CTNNA2: variants seen among roughly 807,000 people sequenced by gnomAD.
CTNNA2 encodes the protein catenin alpha 2, also known as catenin alpha-2.
In CTNNA2, 42 loss-of-function variants were observed where a neutral mutation model predicts 101.0. That is an observed-to-expected ratio of 0.42 (90% CI 0.32 to 0.54). The LOEUF (loss-of-function observed/expected upper bound fraction) is 0.54, where lower values mean the gene tolerates loss of function less well. Ranked by LOEUF, CTNNA2 falls within the 20% of genes least tolerant of loss-of-function variation. The pLI is 0.14. For missense variants in CTNNA2, 871 were observed against 1,223.1 expected (o/e 0.71, Z 4.29); for synonymous variants, 450 against 456.4 (o/e 0.99, Z 0.18).
chr2:79,721,080 A>G (rs1477719048), intron 2 of CTNNA2, among the ~76,000 whole-genome samples: 1 of 150,854 alleles, frequency 6.6e-6, no homozygotes, highest in Admixed American at 6.6e-5. Flanking sequence ...AAATCACATC[A>G]TGCTTCTTGT....
intron 3 of CTNNA2, among the ~76,000 whole-genome samples, chr2:79,791,922 ATTATTTGTCACTC>A (rs1675302500): frequency 6.6e-6 from 1 of 152,200 alleles, no homozygotes; most frequent in Non-Finnish European, 1.5e-5. Context: ...AGACACCTGT[ATTATTTGTCACTC>A]TACGGAGAAG....
chr2:80,335,634 C>T (rs960439214), intron 7 of CTNNA2, among the ~76,000 whole-genome samples: 1 of 152,142 alleles, frequency 6.6e-6, no homozygotes, highest in African/African-American at 2.4e-5. Flanking sequence ...TACTTGGCAC[C>T]AGATGAGAAG....
intron 18 of CTNNA2, among the ~76,000 whole-genome samples, chr2:80,630,150 C>CTT (rs950207769): frequency 2.0e-5 from 3 of 152,074 alleles, no homozygotes; most frequent in African/African-American, 7.2e-5. Flanking sequence ...TGTCTTAGAG[C>CTT]TTATGTATTT....
intron 13 of CTNNA2, among the ~76,000 whole-genome samples, chr2:80,580,418 T>A (rs1695426122): frequency 6.6e-6 from 1 of 152,200 alleles, no homozygotes; most frequent in African/African-American, 2.4e-5. Context: ...GCTAAATTTG[T>A]AACGTGAATA....
chr2:79,225,452 G>A (rs768147966), intron 2 of CTNNA2, among the ~76,000 whole-genome samples: 1 of 152,170 alleles, frequency 6.6e-6, no homozygotes, highest in Admixed American at 6.5e-5. Flanking sequence ...ATGCTTGAGT[G>A]TTTACTCTCA....
chr2:80,340,614 G>A (rs1672140356), intron 7 of CTNNA2, among the ~76,000 whole-genome samples: 1 of 152,232 alleles, frequency 6.6e-6, no homozygotes, highest in Non-Finnish European at 1.5e-5. Context: ...ATCACATCAA[G>A]GTTTCCAGAC....
intron 1 of CTNNA2, among the ~76,000 whole-genome samples, chr2:79,583,854 C>G (rs1676302404): frequency 6.6e-6 from 1 of 152,108 alleles, no homozygotes; most frequent in African/African-American, 2.4e-5. Flanking sequence ...ATTTGTTTTT[C>G]CATTACATTG....
chr2:79,794,310 A>C (rs1032630454), intron 3 of CTNNA2, among the ~76,000 whole-genome samples: 9 of 152,128 alleles, frequency 5.9e-5, no homozygotes, highest in Non-Finnish European at 2.9e-5. Context: ...TTTTGCCATT[A>C]TTTTTAATTC....
chr2:79,217,147 A>T (rs985598346), intron 2 of CTNNA2, among the ~76,000 whole-genome samples: 1 of 152,182 alleles, frequency 6.6e-6, no homozygotes, highest in Admixed American at 6.5e-5. Context: ...AGAGAGTAAG[A>T]AAAGGACGCT....
At chr2:79,429,234 C>T (rs1195547226) in intron 4 of CTNNA2, among the ~76,000 whole-genome samples, 7 of 151,972 alleles carry the variant, frequency 4.6e-5, no homozygotes, top group South Asian at 2.1e-4. Flanking sequence ...ATAATGGGCT[C>T]GTGAACTTTT....
At chr2:80,345,435 C>T (rs1378232439) in intron 7 of CTNNA2, among the ~76,000 whole-genome samples, 2 of 152,144 alleles carry the variant, frequency 1.3e-5, no homozygotes, top group Non-Finnish European at 2.9e-5. Context: ...CTTGTCTGTA[C>T]TGTTCTAAAT....
rs547796135 is a variant in CTNNA2 at position 80,086,970 on chromosome 2, C to G, written c.1056+177173C>G. On this transcript the variant is annotated intron_variant, in intron 7 of 18. Transcript: ENST00000402739. ...GACTCAAATGTGTTTCCAGATGATG[C>G]TTTGAGGATTACTAACAGAGCAGCT... is the stretch of plus-strand genomic sequence containing the variant. Among the ~76,000 whole-genome samples, 57 of 152,096 alleles carry G rather than the reference C, an allele frequency of 3.7e-4. 1 individual carries two copies. The highest frequency in any genetic ancestry group is 1.2e-3 in the African/African-American group (48 of 41,502).
chr2:79,999,988 A>G (rs1692829846), intron 7 of CTNNA2, among the ~76,000 whole-genome samples: 1 of 152,182 alleles, frequency 6.6e-6, no homozygotes. Context: ...GAGGAACTGC[A>G]GTAATTCAGA....
At chr2:80,601,420 TC>T (rs368526387) in intron 15 of CTNNA2, among the ~76,000 whole-genome samples, 1,457 of 116,248 alleles carry the variant, frequency 0.013, 51 homozygotes, top group African/African-American at 0.043. Flanking sequence ...TTTCTTTCTT[TC>T]TTTTTTTTTT....
intron 15 of CTNNA2, 46 bp from the exon 16 acceptor site, chr2:80,604,028 C>T (rs766378369): frequency 1.3e-6 from 2 of 1,545,140 alleles, no homozygotes; most frequent in Middle Eastern, 1.7e-4. Context: ...TGGTCTCTTT[C>T]CCGTCATTAA....
At chr2:79,336,843 T>A (rs1432260631) in intron 3 of CTNNA2, among the ~76,000 whole-genome samples, 1 of 152,156 alleles carries the variant, frequency 6.6e-6, no homozygotes, top group Non-Finnish European at 1.5e-5. Context: ...AAATGCGTGG[T>A]GGCATGGTGG....
chr2:80,437,245 T>C (rs966334435), intron 9 of CTNNA2, among the ~76,000 whole-genome samples: 1 of 152,168 alleles, frequency 6.6e-6, no homozygotes, highest in African/African-American at 2.4e-5. Context: ...CTGAACACAC[T>C]AAGACAGCCA....
intron 7 of CTNNA2, among the ~76,000 whole-genome samples, chr2:80,013,792 A>G (rs1693948268): frequency 6.6e-6 from 1 of 152,178 alleles, no homozygotes; most frequent in Non-Finnish European, 1.5e-5. Context: ...CTACTTACTT[A>G]TGAAAGTCAA....
intron 1 of CTNNA2, chr2:79,573,805 G>C (rs1235518387): frequency 6.6e-6 from 1 of 152,108 alleles, no homozygotes; most frequent in African/African-American, 2.4e-5. Flanking sequence ...CTTGTGAATT[G>C]GTGGTATAAG....
Sources: allele counts gnomAD v4.1 joint callset (sites outside exome capture counted in the v4.1 genomes callset), GRCh38; gene constraint gnomAD v4.1.1; transcripts MANE v1.5; gene names NCBI Gene and HGNC (gene_info 2026-07-23, HGNC 2026-07-21).